CACNA1I: variants seen among roughly 807,000 people sequenced by gnomAD.
The protein encoded by CACNA1I is voltage-dependent T-type calcium channel subunit alpha-1I.
Under a neutral mutation model 201.6 loss-of-function variants are expected in CACNA1I, and 74 were observed. The observed-to-expected ratio is 0.37, with a 90% CI of 0.30 to 0.45. The LOEUF is 0.45. Among genes scored for constraint, CACNA1I ranks in the 20% least tolerant of loss-of-function variants. The pLI is 1.00. For missense variants in CACNA1I, 2,346 were observed against 3,138.1 expected (o/e 0.75, Z 6.03); for synonymous variants, 1,431 against 1,345.2 (o/e 1.06, Z -1.40).
At chr22:39,585,386 CTTTTTTTT>C (rs67733131) in intron 1 of CACNA1I, among the ~76,000 whole-genome samples, 1 of 90,456 alleles carries the variant, frequency 1.1e-5, no homozygotes, top group Non-Finnish European at 2.2e-5. Flanking sequence ...TTCTTTCTTT[CTTTTTTTT>C]TTTTTTTTTT....
chr22:39,645,373 G>T lies in CACNA1I; in HGVS notation c.1150-1196G>T, dbSNP rs532733504. Among the ~76,000 whole-genome samples the T allele has an allele frequency of 1.8e-4, 27 of 152,316 alleles. No individual in the cohort carries two copies. The East Asian group carries it at 4.8e-3, about 27-fold the overall frequency. On this transcript the variant is annotated intron_variant, in intron 7 of 36. Coordinates refer to ENST00000402142, the MANE Select transcript of CACNA1I (RefSeq NM_021096.4). The stretch of plus-strand genomic sequence containing the variant: ...AAGTGGAGGCCAGGAGGGGATGGAG[G>T]CCCACCCGGGTCGCCCAGGGCAGCA...
At chr22:39,673,179 G>A in intron 28 of CACNA1I, 97 bp downstream of exon 28, 1 of 1,165,196 alleles carries the variant, frequency 8.6e-7, no homozygotes. Context: ...GGGTGGGGAG[G>A]GGTGGGGGCA....
chr22:39,613,557 G>A (rs1475768810), intron 3 of CACNA1I, among the ~76,000 whole-genome samples: 2 of 152,226 alleles, frequency 1.3e-5, no homozygotes, highest in East Asian at 3.8e-4. Flanking sequence ...TTTCAGGTCA[G>A]TGACTTGCCC....
In CACNA1I at chr22:39,662,329, C is replaced by A. The variant is rs1401275484; in HGVS notation, c.3266C>A (p.Pro1089His). Residue 1089 changes from proline (P) to histidine (H), a missense_variant, in exon 17 of 37, where the codon CCC (proline) becomes CAC (histidine). By Grantham distance (77) the Pro-to-His change is moderately conservative. Coordinates refer to ENST00000402142, the MANE Select transcript of CACNA1I (RefSeq NM_021096.4). ...RAAWRAAGPA[P>H]GHEDCNGRMP... is the part of the protein sequence containing the mutation. ...GCCTGGAGGGCGGCAGGCCCGGCCC[C>A]CGGGCATGAGGACTGCAATGGCAGG... The A allele has an allele frequency of 4.1e-6, 6 of 1,478,942 alleles. No individual in the cohort carries two copies. The highest frequency in any genetic ancestry group is 5.3e-6 in the Non-Finnish European group (6 of 1,123,202). The allele number at this position is 1,478,942 out of a possible 1,614,324, so 91.6% of individuals were successfully genotyped here.
Position 39,662,298 on chromosome 22 carries a change from CG to C in CACNA1I, c.3238del (p.Ala1080ProfsTer54). Reference protein sequence around the residue: ...ELVPAVGAHPRAAWRAAGPAP... With the variant: ...ELVPAVGAHPXAAWRAAGPAP... ...GGTGCCCGCGGTGGGCGCCCACCCC[CG>C]GGCCGCCTGGAGGGCGGCAGGCCCG... On this transcript the variant is annotated frameshift_variant, in exon 17 of 37. Coordinates refer to ENST00000402142, the MANE Select transcript of CACNA1I (RefSeq NM_021096.4). LOFTEE classifies it high-confidence loss of function. 6.7e-7 allele frequency: 1 copy of C among 1,500,394 alleles called. No individual in the cohort carries two copies. The highest frequency in any genetic ancestry group is 1.5e-5 in the African/African-American group (1 of 68,670). The allele number at this position is 1,500,394 out of a possible 1,614,324, so 92.9% of individuals were successfully genotyped here.
rs1935516184 is a variant in CACNA1I at position 39,676,476 on chromosome 22, G to A, written c.4855-865G>A. On this transcript the variant is annotated intron_variant, in intron 29 of 36. Transcript: ENST00000402142. The surrounding 1 kb of genome is among the most constrained non-coding windows in gnomAD (Gnocchi z 4.8). ...CTAAGGCCTTCTGAGGGTTCTAAGA[G>A]ATATTTCATTTCTAGGGCAAGAATG... Among the ~76,000 whole-genome samples, 1 of 152,204 alleles carries A rather than the reference G, an allele frequency of 6.6e-6. No homozygotes were observed. The highest frequency in any genetic ancestry group is 1.5e-5 in the Non-Finnish European group (1 of 68,038).
In CACNA1I at chr22:39,581,042, C is replaced by T. The variant is rs776815599; in HGVS notation, c.236+10054C>T. Among the ~76,000 whole-genome samples the T allele has an allele frequency of 2.6e-5, 4 of 151,556 alleles. No homozygotes were observed. In the South Asian group the frequency reaches 6.2e-4, roughly 24 times the overall value. On this transcript the variant is annotated intron_variant, in intron 1 of 36. Transcript: ENST00000402142. ...CTGATGGAGGAGGCAGAGCCACACC[C>T]GAATCACACTCTTGTGAAGGAAAGT...
rs182252298 is a variant in CACNA1I at position 39,609,515 on chromosome 22, C to T, written c.482+8862C>T. On this transcript the variant is annotated intron_variant, in intron 3 of 36. Coordinates refer to ENST00000402142, the MANE Select transcript of CACNA1I (RefSeq NM_021096.4). ...CTTTCTTTCATGGTCACAAGGCAGC[C>T]GGTGAAGCCGTGGGTGTCATGTCTG... Among the ~76,000 whole-genome samples the T allele has an allele frequency of 9.2e-5, 14 of 152,254 alleles. No individual in the cohort carries two copies. The East Asian group carries it at 1.9e-3, about 21-fold the overall frequency.
chr22:39,619,217 G>C, intron 3 of CACNA1I, 93 bp from the exon 4 acceptor site: 6 of 915,534 alleles, frequency 6.6e-6, no homozygotes, highest in Non-Finnish European at 1.1e-5. Context: ...TGTCCAGGCA[G>C]TAGTGCGCAG....
intron 3 of CACNA1I, among the ~76,000 whole-genome samples, chr22:39,617,477 G>T (rs2064066141): frequency 1.3e-5 from 2 of 152,058 alleles, no homozygotes; most frequent in African/African-American, 4.8e-5. Context: ...GTCTGTGGGG[G>T]TGGGGCATGG....
intron 1 of CACNA1I, among the ~76,000 whole-genome samples, chr22:39,597,519 C>A (rs1932918340): frequency 2.0e-5 from 3 of 152,256 alleles, no homozygotes; most frequent in Non-Finnish European, 4.4e-5. Flanking sequence ...CCCTCCGCAG[C>A]AGGAGACTTT....
intron 3 of CACNA1I, among the ~76,000 whole-genome samples, chr22:39,618,178 TGTGG>T (rs1472439382): frequency 6.6e-6 from 1 of 150,692 alleles, no homozygotes; most frequent in Non-Finnish European, 1.5e-5. Context: ...TGACTGTGTG[TGTGG>T]GTATGTGGTT....
chr22:39,631,597 G>A (rs185427240), intron 4 of CACNA1I, among the ~76,000 whole-genome samples: 2 of 152,306 alleles, frequency 1.3e-5, no homozygotes, highest in African/African-American at 4.8e-5. Flanking sequence ...GGGAGATGAA[G>A]TAGAAAGGAT....
intron 17 of CACNA1I, 64 bp from the exon 18 acceptor site, chr22:39,662,712 C>A: frequency 8.2e-7 from 1 of 1,212,786 alleles, no homozygotes; most frequent in Non-Finnish European, 1.2e-6. Context: ...GCGATGGCCG[C>A]ATGGGCGGAG....
intron 10 of CACNA1I, among the ~76,000 whole-genome samples, chr22:39,653,611 T>C (rs1354157533): frequency 1.3e-5 from 2 of 152,154 alleles, no homozygotes; most frequent in Non-Finnish European, 2.9e-5. Flanking sequence ...CCTTGCCCCA[T>C]ACCCCATCCT....
chr22:39,604,988 C>G (rs891434159), intron 3 of CACNA1I, among the ~76,000 whole-genome samples: 62 of 152,080 alleles, frequency 4.1e-4, no homozygotes, highest in African/African-American at 1.5e-3. Context: ...CCTTTGTGCC[C>G]AGGGGTGGCG....
chr22:39,638,638 A>T (rs1934280386), intron 5 of CACNA1I, among the ~76,000 whole-genome samples: 2 of 151,000 alleles, frequency 1.3e-5, no homozygotes, highest in African/African-American at 2.4e-5. Context: ...TCTTCTGTGA[A>T]TTTTTCTGTT....
intron 29 of CACNA1I, among the ~76,000 whole-genome samples, chr22:39,675,490 A>G (rs1935491171): frequency 6.6e-6 from 1 of 152,246 alleles, no homozygotes; most frequent in Admixed American, 6.5e-5. Flanking sequence ...AGCCTCCAGC[A>G]GGAGACCCAA....
At position 39,641,313 on chromosome 22, in the gene CACNA1I, C is replaced by T. The variant is rs1934346018; in HGVS notation, c.1056+131C>T. 3.3e-5 allele frequency: 23 copies of T among 697,594 alleles called. No homozygotes were observed. In the South Asian group the frequency reaches 4.0e-4, roughly 12 times the overall value. The allele number at this position is 697,594 out of a possible 1,614,324, so 43.2% of individuals were successfully genotyped here. On this transcript the variant is annotated intron_variant, in intron 6 of 36. Coordinates refer to ENST00000402142, the MANE Select transcript of CACNA1I (RefSeq NM_021096.4). The stretch of plus-strand genomic sequence containing the variant: ...CTGCCCAGCTTGCTGGCAGAATAGG[C>T]ATTATCATGCCCATTTTATAGACAG...
Sources: gnomAD v4.1 joint callset for allele counts (sites outside exome capture counted in the v4.1 genomes callset) on GRCh38, gnomAD v4.1.1 for gene constraint, Gnocchi (gnomAD v3.1) non-coding constraint, MANE v1.5 for transcripts, NCBI Gene and HGNC (gene_info 2026-07-23, HGNC 2026-07-21) for gene names.